Variants in PRKG1 observed in about 807,000 individuals in gnomAD.
The protein encoded by PRKG1 is protein kinase cGMP-dependent 1, also known as cGMP-dependent protein kinase 1.
PRKG1 carries 35 observed loss-of-function variants against 88.1 expected under a neutral mutation model. The observed-to-expected ratio is 0.40, with a 90% confidence interval of 0.30 to 0.53. The LOEUF is 0.53. Among genes scored for constraint, PRKG1 ranks in the 20% least tolerant of loss-of-function variants. The pLI is 0.59. For synonymous variants in PRKG1, 303 were observed against 292.5 expected (o/e 1.04, Z -0.37); for missense variants, 540 against 839.8 (o/e 0.64, Z 4.41).
intron 3 of PRKG1, among the ~76,000 whole-genome samples, chr10:51,615,660 C>G (rs2339794): frequency 6.8e-6 from 1 of 146,976 alleles, no homozygotes; most frequent in Non-Finnish European, 1.5e-5. Flanking sequence ...CTGCTTGGTT[C>G]TTTTTTTTTT....
chr10:51,834,962 G>T (rs1840096935), intron 4 of PRKG1, among the ~76,000 whole-genome samples: 1 of 152,030 alleles, frequency 6.6e-6, no homozygotes, highest in Non-Finnish European at 1.5e-5. Flanking sequence ...AAGACATATT[G>T]TCTGTACATA....
chr10:51,063,854 G>A (rs1843719676), intron 1 of PRKG1, among the ~76,000 whole-genome samples: 1 of 151,964 alleles, frequency 6.6e-6, no homozygotes, highest in South Asian at 2.1e-4. Context: ...GACAGTAGAG[G>A]GTGCAATTGT....
intron 3 of PRKG1, among the ~76,000 whole-genome samples, chr10:51,669,862 G>A (rs1426992819): frequency 1.3e-5 from 2 of 152,136 alleles, no homozygotes; most frequent in African/African-American, 2.4e-5. Flanking sequence ...TTTCTGGTCA[G>A]TATTGTACAT....
intron 5 of PRKG1, among the ~76,000 whole-genome samples, chr10:52,034,823 A>G (rs1355517986): frequency 6.6e-6 from 1 of 152,164 alleles, no homozygotes; most frequent in Non-Finnish European, 1.5e-5. Flanking sequence ...CTGGAATGAG[A>G]CTGGGGCCTA....
intron 2 of PRKG1, among the ~76,000 whole-genome samples, chr10:51,280,953 A>T (rs1840277598): frequency 6.6e-6 from 1 of 151,904 alleles, no homozygotes; most frequent in Non-Finnish European, 1.5e-5. Context: ...GATTTTTAGA[A>T]TTTTCAGCTT....
chr10:51,981,496 T>C (rs1844009109), intron 5 of PRKG1, among the ~76,000 whole-genome samples: 1 of 151,964 alleles, frequency 6.6e-6, no homozygotes, highest in African/African-American at 2.4e-5. Context: ...TGAAGCAGTA[T>C]AATTACTGGA....
chr10:52,223,742 A>C (rs1005964544), intron 9 of PRKG1, among the ~76,000 whole-genome samples: 6 of 152,248 alleles, frequency 3.9e-5, no homozygotes, highest in African/African-American at 1.2e-4. Context: ...CTTTTTCTCT[A>C]AGCCTGTTCC....
intron 4 of PRKG1, among the ~76,000 whole-genome samples, chr10:51,857,805 C>T (rs969489172): frequency 4.0e-5 from 6 of 151,536 alleles, no homozygotes; most frequent in Non-Finnish European, 7.4e-5. Flanking sequence ...ACATTCAGGG[C>T]ACATAGTGGT....
At chr10:51,814,803 G>T (rs1564657980) in intron 4 of PRKG1, among the ~76,000 whole-genome samples, 1 of 152,008 alleles carries the variant, frequency 6.6e-6, no homozygotes, top group African/African-American at 2.4e-5. Context: ...TGTAATCTCA[G>T]ATATTTGCAT....
chr10:51,999,832 AG>A (rs1429115445), intron 5 of PRKG1, among the ~76,000 whole-genome samples: 1 of 152,142 alleles, frequency 6.6e-6, no homozygotes, highest in African/African-American at 2.4e-5. Flanking sequence ...TGAGATAAAA[AG>A]GTTAACTTTT....
At chr10:51,787,366 T>C (rs1367413669) in intron 3 of PRKG1, among the ~76,000 whole-genome samples, 1 of 152,174 alleles carries the variant, frequency 6.6e-6, no homozygotes, top group Non-Finnish European at 1.5e-5. Flanking sequence ...TGAGGACCCC[T>C]TCATGGGCTT....
At chr10:51,115,807 G>A (rs2131905599) in intron 1 of PRKG1, among the ~76,000 whole-genome samples, 1 of 146,984 alleles carries the variant, frequency 6.8e-6, no homozygotes, top group Admixed American at 6.9e-5. Flanking sequence ...ATGCACTCCA[G>A]CCTGGATGAC....
chr10:51,420,878 A>C (rs1355882533), intron 2 of PRKG1, among the ~76,000 whole-genome samples: 1 of 152,152 alleles, frequency 6.6e-6, no homozygotes, highest in Non-Finnish European at 1.5e-5. Context: ...TTCACATGGT[A>C]AAAGTAGGAG....
intron 9 of PRKG1, among the ~76,000 whole-genome samples, chr10:52,199,571 G>T (rs1405629831): frequency 6.6e-6 from 1 of 152,108 alleles, no homozygotes; most frequent in East Asian, 1.9e-4. Context: ...AGATCTTCAT[G>T]CTGAGACCTA....
At chr10:51,555,811 G>A (rs540020414) in intron 3 of PRKG1, among the ~76,000 whole-genome samples, 1 of 152,080 alleles carries the variant, frequency 6.6e-6, no homozygotes, top group East Asian at 1.9e-4. Context: ...TTGCTTCTCT[G>A]AGTGTCTATT....
intron 1 of PRKG1, among the ~76,000 whole-genome samples, chr10:50,998,648 T>C (rs999203891): frequency 6.6e-6 from 1 of 152,150 alleles, no homozygotes; most frequent in Non-Finnish European, 1.5e-5. Flanking sequence ...CTTGGGAGAC[T>C]GAGGCAGGAG....
chr10:51,184,133 C>T (rs1471297104), intron 2 of PRKG1, among the ~76,000 whole-genome samples: 2 of 152,208 alleles, frequency 1.3e-5, no homozygotes, highest in Non-Finnish European at 2.9e-5. Context: ...ATATCCAACT[C>T]ATATGACATC....
At chr10:52,247,618 A>G (rs1398967768) in intron 9 of PRKG1, among the ~76,000 whole-genome samples, 1 of 152,218 alleles carries the variant, frequency 6.6e-6, no homozygotes, top group East Asian at 1.9e-4. Flanking sequence ...TGTCCCTCCC[A>G]GTTATGGCAA....
At chr10:51,946,910 G>A (rs1384854874) in intron 5 of PRKG1, among the ~76,000 whole-genome samples, 1 of 152,062 alleles carries the variant, frequency 6.6e-6, no homozygotes, top group East Asian at 1.9e-4. Flanking sequence ...AGGGGTCAGG[G>A]GTCAGGGACC....
Sources: gnomAD v4.1 joint callset for allele counts (sites outside exome capture counted in the v4.1 genomes callset) on GRCh38, gnomAD v4.1.1 for gene constraint, MANE v1.5 for transcripts, NCBI Gene and HGNC (gene_info 2026-07-23, HGNC 2026-07-21) for gene names.